DPF3: variants seen among roughly 807,000 people sequenced by gnomAD.
DPF3 encodes the protein double PHD fingers 3.
Under a neutral mutation model 56.8 loss-of-function variants are expected in DPF3, and 18 were observed. The ratio of observed to expected loss-of-function variants is 0.32; its 90% CI spans 0.22 to 0.47. The LOEUF is 0.47. DPF3 is among the 20% of genes least tolerant of loss of function. The probability of loss-of-function intolerance (pLI) is 1.00; values close to 1 mark genes in which losing one functional copy is unlikely to be tolerated. For synonymous variants in DPF3, 188 were observed against 180.2 expected (o/e 1.04, Z -0.35); for missense variants, 403 against 488.8 (o/e 0.82, Z 1.65).
intron 9 of DPF3, among the ~76,000 whole-genome samples, chr14:72,627,069 A>T (rs1272644114): frequency 6.6e-6 from 1 of 151,970 alleles, no homozygotes; most frequent in Admixed American, 6.6e-5. Context: ...TTAGCCCTTA[A>T]ACTGTGGTAC....
At chr14:72,701,338 G>A (rs185968833) in intron 6 of DPF3, among the ~76,000 whole-genome samples, 108 of 152,310 alleles carry the variant, frequency 7.1e-4, no homozygotes, top group African/African-American at 2.4e-3. Context: ...AATAAGGGAG[G>A]TCCAGCTTGC....
chr14:72,873,707 A>T (rs1885993846), intron 1 of DPF3, among the ~76,000 whole-genome samples: 1 of 152,224 alleles, frequency 6.6e-6, no homozygotes, highest in African/African-American at 2.4e-5. Context: ...GATTAAGAAA[A>T]TGTGGCACAT....
chr14:72,864,245 C>T (rs1885571822), intron 1 of DPF3, among the ~76,000 whole-genome samples: 1 of 152,136 alleles, frequency 6.6e-6, no homozygotes, highest in Non-Finnish European at 1.5e-5. Context: ...ACAAATGCCT[C>T]TCCCTCCCAT....
chr14:72,629,518 A>T, intron 9 of DPF3, 106 bp downstream of exon 9: 1 of 1,083,100 alleles, frequency 9.2e-7, no homozygotes, highest in Non-Finnish European at 1.3e-6. Context: ...TGCCAGGGTA[A>T]CAGGCCCCAG....
chr14:72,815,597 T>G (rs894258760), intron 1 of DPF3, among the ~76,000 whole-genome samples: 1 of 152,238 alleles, frequency 6.6e-6, no homozygotes, highest in Admixed American at 6.5e-5. Flanking sequence ...AGTTGGTAAA[T>G]GAATAAGCAA....
intron 4 of DPF3, among the ~76,000 whole-genome samples, chr14:72,729,682 A>G (rs7154402): frequency 0.15 from 22,408 of 152,142 alleles, 2,167 homozygotes; most frequent in African/African-American, 0.26. Context: ...CTGAAAAGGC[A>G]ACATACTGTG....
At chr14:72,804,223 A>G (rs937950886) in intron 1 of DPF3, among the ~76,000 whole-genome samples, 7 of 147,754 alleles carry the variant, frequency 4.7e-5, no homozygotes, top group Non-Finnish European at 9.0e-5. Context: ...ACACACACAC[A>G]CGCAGACAAA....
chr14:72,619,623 C>A (rs113922252), intron 10 of DPF3, among the ~76,000 whole-genome samples: 4,671 of 152,262 alleles, frequency 0.031, 231 homozygotes, highest in African/African-American at 0.11. Flanking sequence ...TGCGCCAGTT[C>A]TCCTGGAAGC....
chr14:72,853,740 C>G (rs1481637922), intron 1 of DPF3, among the ~76,000 whole-genome samples: 1 of 152,198 alleles, frequency 6.6e-6, no homozygotes, highest in African/African-American at 2.4e-5. Flanking sequence ...CCTGGGATTA[C>G]AGGCATGAGC....
At chr14:72,838,083 T>A (rs1042631994) in intron 1 of DPF3, among the ~76,000 whole-genome samples, 33 of 152,188 alleles carry the variant, frequency 2.2e-4, no homozygotes, top group African/African-American at 7.2e-4. Flanking sequence ...TGGGGCCATC[T>A]GACACAGAGA....
intron 2 of DPF3, among the ~76,000 whole-genome samples, chr14:72,756,906 A>AAAAG (rs1233456651): frequency 0.065 from 4,854 of 74,688 alleles, 213 homozygotes; most frequent in Non-Finnish European, 0.077. Flanking sequence ...AGAAAAGAAA[A>AAAAG]AAAGAAAGAA....
chr14:72,753,681 A>C (rs1386877336), intron 2 of DPF3, among the ~76,000 whole-genome samples: 1 of 152,096 alleles, frequency 6.6e-6, no homozygotes, highest in Non-Finnish European at 1.5e-5. Context: ...GACAAGAAGG[A>C]CCTTTGCAGT....
chr14:72,624,333 C>CTTTTTTTTT (rs55820708), intron 9 of DPF3, among the ~76,000 whole-genome samples: 22 of 97,800 alleles, frequency 2.2e-4, no homozygotes, highest in East Asian at 3.3e-4. Flanking sequence ...ACCTATGTCT[C>CTTTTTTTTT]TTTTTTTTTT....
At chr14:72,638,360 G>A (rs922839550) in intron 8 of DPF3, among the ~76,000 whole-genome samples, 3 of 152,198 alleles carry the variant, frequency 2.0e-5, no homozygotes, top group African/African-American at 7.2e-5. Context: ...CTGGACCTCA[G>A]GAGCATCCAA....
intron 1 of DPF3, among the ~76,000 whole-genome samples, chr14:72,811,761 C>G (rs1285248862): frequency 6.6e-6 from 1 of 152,184 alleles, no homozygotes; most frequent in African/African-American, 2.4e-5. Flanking sequence ...TTACACTTTG[C>G]AAAACACTTT....
intron 4 of DPF3, among the ~76,000 whole-genome samples, chr14:72,726,339 G>A (rs535507610): frequency 6.6e-5 from 10 of 152,228 alleles, no homozygotes; most frequent in South Asian, 2.1e-4. Context: ...TTTATTACCC[G>A]CAATATGGAC....
At chr14:72,653,608 T>G (rs950862910) in intron 8 of DPF3, among the ~76,000 whole-genome samples, 2 of 152,188 alleles carry the variant, frequency 1.3e-5, no homozygotes, top group Admixed American at 6.5e-5. Flanking sequence ...GACCTATCAG[T>G]CTAGATAGAG....
chr14:72,884,150 T>C (rs1350830983), intron 1 of DPF3, among the ~76,000 whole-genome samples: 1 of 152,112 alleles, frequency 6.6e-6, no homozygotes, highest in African/African-American at 2.4e-5. Flanking sequence ...GCGCTTCTGC[T>C]TCCTCTGGTT....
chr14:72,611,521 C>A lies in DPF3; in HGVS notation c.*7776G>T, dbSNP rs551911391. 6.6e-4 allele frequency among the ~76,000 whole-genome samples: 100 copies of A among 152,310 alleles called. No homozygotes were observed. The highest frequency in any genetic ancestry group is 2.2e-3 in the African/African-American group (93 of 41,574). On this transcript the variant is annotated 3_prime_UTR_variant, in exon 11 of 11. Coordinates refer to ENST00000556509, the MANE Select transcript of DPF3 (RefSeq NM_001280542.3). ...TCTGTACTTGAAGCCCCCACCCCCC[C>A]AGTCCCGCTCTCTGCTTTCTCTAGC...
Sources: allele counts gnomAD v4.1 joint callset (sites outside exome capture counted in the v4.1 genomes callset), GRCh38; gene constraint gnomAD v4.1.1; transcripts MANE v1.5; gene names NCBI Gene and HGNC (gene_info 2026-07-23, HGNC 2026-07-21).